Variants in PIWIL1 observed in about 807,000 individuals in gnomAD.
The protein encoded by PIWIL1 is piwi-like protein 1.
A neutral mutation model predicts 114.4 loss-of-function variants in PIWIL1; 73 were observed. The ratio of observed to expected loss-of-function variants is 0.64; its 90% CI spans 0.53 to 0.78. The LOEUF (loss-of-function observed/expected upper bound fraction) is 0.78. Among genes scored for constraint, PIWIL1 ranks in the 30% least tolerant of loss-of-function variants. The probability of loss-of-function intolerance (pLI) is 0.00; values close to 1 mark genes in which losing one functional copy is unlikely to be tolerated. For synonymous variants in PIWIL1, 375 were observed against 369.0 expected (o/e 1.02, Z -0.19); for missense variants, 723 against 1,063.1 (o/e 0.68, Z 4.45).
chr12:130,367,357 GT>G (rs1399437444), intron 19 of PIWIL1, 99 bp downstream of exon 19: 12 of 1,135,796 alleles, frequency 1.1e-5, no homozygotes, highest in Admixed American at 2.8e-5. Flanking sequence ...TTTTACTTTT[GT>G]TCTTATATTT....
rs1159181190 is a variant in PIWIL1, at chr12:130,345,866, G to C, written c.304G>C (p.Glu102Gln). The stretch of plus-strand genomic sequence containing the variant: ...AAGGCAGAACCTAGACCATGTTAAA[G>C]AATCAAAAACAGGTAGGTTAATTAA... Reference protein sequence around the residue: ...NTRQNLDHVKESKTGSSGIIV... With the variant: ...NTRQNLDHVKQSKTGSSGIIV... The change falls in exon 4 of 21, where the codon GAA (glutamate) becomes CAA (glutamine). Residue 102 changes from glutamate to glutamine, a missense_variant. Transcript: ENST00000245255. 2 of 1,613,106 alleles carry C rather than the reference G, an allele frequency of 1.2e-6. No homozygotes were observed. Among genetic ancestry groups the C allele is most frequent in the Non-Finnish European group, 1.7e-6 (2 of 1,179,696 alleles).
chr12:130,370,670 T>C (rs572783198), intron 19 of PIWIL1, among the ~76,000 whole-genome samples: 125 of 152,340 alleles, frequency 8.2e-4, no homozygotes, highest in Admixed American at 3.9e-3. Flanking sequence ...AAGATTTGCA[T>C]TAAATTCCTG....
chr12:130,397,312 G>C, the PIWIL1 span: 1 of 398,508 alleles, frequency 2.5e-6, no homozygotes, highest in Non-Finnish European at 4.4e-6. Flanking sequence ...CCCTAGTTTG[G>C]AATTAAAGAA....
the PIWIL1 span, among the ~76,000 whole-genome samples, chr12:130,421,501 C>G: frequency 5.9e-5 from 9 of 152,224 alleles, no homozygotes; most frequent in South Asian, 4.1e-4. Flanking sequence ...CTTTATGAAG[C>G]CTTTCTTCAT....
At chr12:130,357,880 G>A (rs912745959) in intron 14 of PIWIL1, among the ~76,000 whole-genome samples, 1 of 152,116 alleles carries the variant, frequency 6.6e-6, no homozygotes, top group African/African-American at 2.4e-5. Flanking sequence ...GCTGTTGTTC[G>A]GCACACGTAG....
At chr12:130,417,820 TTAGA>T in the PIWIL1 span, among the ~76,000 whole-genome samples, 1 of 152,084 alleles carries the variant, frequency 6.6e-6, no homozygotes, top group Non-Finnish European at 1.5e-5. Flanking sequence ...CTAAACATCA[TTAGA>T]TAGATGTGTA....
chr12:130,358,862 A>G (rs1161791787), intron 14 of PIWIL1, among the ~76,000 whole-genome samples: 2 of 152,038 alleles, frequency 1.3e-5, no homozygotes, highest in Non-Finnish European at 2.9e-5. Flanking sequence ...GGCCTTCTAT[A>G]TTCCAGGCAC....
the PIWIL1 span, chr12:130,425,236 G>A: frequency 5.6e-6 from 1 of 177,168 alleles, no homozygotes; most frequent in Non-Finnish European, 1.2e-5. Context: ...CTGCCCGGGG[G>A]CTACATCCTC....
the PIWIL1 span, among the ~76,000 whole-genome samples, chr12:130,391,357 C>T: frequency 2.0e-5 from 3 of 152,316 alleles, no homozygotes; most frequent in South Asian, 2.1e-4. Context: ...GTGGAGATTA[C>T]GCCCCAAATC....
chr12:130,387,556 T>A, the PIWIL1 span, among the ~76,000 whole-genome samples: 1 of 81,694 alleles, frequency 1.2e-5, no homozygotes, highest in South Asian at 4.9e-4. Flanking sequence ...CACCCCTTCC[T>A]GTCTCCATTC....
chr12:130,407,458 A>G, the PIWIL1 span, among the ~76,000 whole-genome samples: 1 of 152,172 alleles, frequency 6.6e-6, no homozygotes, highest in Admixed American at 6.5e-5. Flanking sequence ...GATGTGGATG[A>G]CAGATTGTTC....
chr12:130,413,281 C>T, the PIWIL1 span, among the ~76,000 whole-genome samples: 2 of 152,076 alleles, frequency 1.3e-5, no homozygotes, highest in East Asian at 1.9e-4. Flanking sequence ...CTTTCTTTCC[C>T]CTCTCCTACT....
At chr12:130,382,146 A>T in the PIWIL1 span, among the ~76,000 whole-genome samples, 3 of 152,168 alleles carry the variant, frequency 2.0e-5, no homozygotes, top group Non-Finnish European at 4.4e-5. Flanking sequence ...GGTAGAATGG[A>T]GGTGTTTGAT....
chr12:130,378,582 T>TG, the PIWIL1 span, among the ~76,000 whole-genome samples: 1 of 152,258 alleles, frequency 6.6e-6, no homozygotes, highest in South Asian at 2.1e-4. Context: ...TTTCCCTTTT[T>TG]CTTTACAATG....
At chr12:130,413,252 A>G in the PIWIL1 span, among the ~76,000 whole-genome samples, 1 of 152,276 alleles carries the variant, frequency 6.6e-6, no homozygotes, top group East Asian at 1.9e-4. Flanking sequence ...CTGAAACTGC[A>G]AACAGGGTTC....
At chr12:130,348,433 A>G (rs1246341614) in intron 7 of PIWIL1, among the ~76,000 whole-genome samples, 1 of 152,194 alleles carries the variant, frequency 6.6e-6, no homozygotes, top group Non-Finnish European at 1.5e-5. Context: ...GCCCTTAGGT[A>G]ATAAAAATAA....
At chr12:130,403,363 A>T in the PIWIL1 span, among the ~76,000 whole-genome samples, 1 of 152,226 alleles carries the variant, frequency 6.6e-6, no homozygotes, top group Non-Finnish European at 1.5e-5. Flanking sequence ...TATAATATAA[A>T]AACTTAGGGA....
chr12:130,367,587 G>T (rs1374340913), intron 19 of PIWIL1, among the ~76,000 whole-genome samples: 1 of 152,188 alleles, frequency 6.6e-6, no homozygotes, highest in Non-Finnish European at 1.5e-5. Context: ...TTGTTTTCTA[G>T]TAAAAAGTGT....
chr12:130,391,803 G>A, the PIWIL1 span, among the ~76,000 whole-genome samples: 1 of 149,026 alleles, frequency 6.7e-6, no homozygotes, highest in Non-Finnish European at 1.5e-5. Context: ...ACCCATGGGG[G>A]CATGCGTAAG....
Sources: gnomAD v4.1 joint callset for allele counts (sites outside exome capture counted in the v4.1 genomes callset) on GRCh38, gnomAD v4.1.1 for gene constraint, MANE v1.5 for transcripts, NCBI Gene and HGNC (gene_info 2026-07-23, HGNC 2026-07-21) for gene names.